The following PCDHGA5 variants were observed in gnomAD, a reference collection of about 807,000 sequenced individuals.
PCDHGA5 encodes the protein protocadherin gamma-A5.
In PCDHGA5, 36 loss-of-function variants were observed where a neutral mutation model predicts 56.7. That is an observed-to-expected ratio of 0.64 (90% CI 0.49 to 0.84). PCDHGA5 has a LOEUF of 0.84. PCDHGA5 is among the 40% of genes least tolerant of loss of function. The pLI, the probability that PCDHGA5 is intolerant of heterozygous loss-of-function variation, is 0.00. For missense variants in PCDHGA5, 1,305 were observed against 1,201.5 expected (o/e 1.09, Z -1.27); for synonymous variants, 563 against 520.2 (o/e 1.08, Z -1.12).
intron 1 of PCDHGA5, chr5:141,420,193 A>G: frequency 6.2e-7 from 1 of 1,613,766 alleles, no homozygotes; most frequent in South Asian, 1.1e-5. Context: ...CAGCCACACA[A>G]GATAACCTCA....
intron 2 of PCDHGA5, among the ~76,000 whole-genome samples, chr5:141,497,016 C>G (rs1384415729): frequency 6.6e-6 from 1 of 152,056 alleles, no homozygotes; most frequent in East Asian, 1.9e-4. Context: ...TGGTGAAACC[C>G]CATCTCGATT....
rs146719320 is a variant in PCDHGA5, at chr5:141,444,557, A to T, written c.2422-50250A>T. ...TGTGTCTAGTGAGCAAAAGGCACTTATTTGACACTTTTGACTCTTCCTTTC... is the reference window on the plus strand; with the variant it reads ...TGTGTCTAGTGAGCAAAAGGCACTTTTTTGACACTTTTGACTCTTCCTTTC... On this transcript the variant is annotated intron_variant, in intron 1 of 3. Transcript: ENST00000518069. Among the ~76,000 whole-genome samples, 1,352 of 152,248 alleles carry T rather than the reference A, an allele frequency of 8.9e-3. 18 individuals carry two copies. The highest frequency in any genetic ancestry group is 0.031 in the African/African-American group (1,277 of 41,558).
chr5:141,423,699 T>C, intron 1 of PCDHGA5: 1 of 1,469,146 alleles, frequency 6.8e-7, no homozygotes, highest in East Asian at 2.5e-5. Context: ...GTTGGTGTCT[T>C]GGCACAAGTC....
intron 1 of PCDHGA5, chr5:141,372,535 G>T (rs1257455687): frequency 1.9e-6 from 3 of 1,613,808 alleles, no homozygotes; most frequent in East Asian, 2.2e-5. Flanking sequence ...ATCTCCCTGC[G>T]CCTGCGATGC....
At chr5:141,409,290 G>A in intron 1 of PCDHGA5, 1 of 1,613,974 alleles carries the variant, frequency 6.2e-7, no homozygotes. Context: ...TCACCTCCAG[G>A]AATGGTTGTT....
intron 1 of PCDHGA5, chr5:141,409,463 A>G (rs751200597): frequency 1.2e-6 from 2 of 1,613,744 alleles, no homozygotes; most frequent in Non-Finnish European, 1.7e-6. Context: ...ATACAATGTC[A>G]CCATCGTAGC....
In PCDHGA5 at chr5:141,432,510, C is replaced by A; in HGVS notation, c.2422-62297C>A. 1 of 1,614,140 alleles carries A rather than the reference C, an allele frequency of 6.2e-7. No homozygotes were observed. The highest frequency in any genetic ancestry group is 8.5e-7 in the Non-Finnish European group (1 of 1,180,042). On this transcript the variant is annotated intron_variant, in intron 1 of 3. Coordinates refer to ENST00000518069, the MANE Select transcript of PCDHGA5 (RefSeq NM_018918.3). The surrounding 1 kb of genome is among the most constrained non-coding windows in gnomAD (Gnocchi z 6.0). ...GAGCTGGCTCCCCGCTCCGCAGAGCCCGGCTACCTGGTGACCAAGGTGGTG... is the reference window on the plus strand; with the variant it reads ...GAGCTGGCTCCCCGCTCCGCAGAGCACGGCTACCTGGTGACCAAGGTGGTG...
intron 1 of PCDHGA5, chr5:141,375,115 A>G (rs987989099): frequency 1.2e-6 from 2 of 1,613,958 alleles, no homozygotes; most frequent in Non-Finnish European, 1.7e-6. Flanking sequence ...ATGATAATGT[A>G]CCAGAAGTGG....
intron 1 of PCDHGA5, chr5:141,400,262 G>A: frequency 6.2e-7 from 1 of 1,614,032 alleles, no homozygotes; most frequent in Non-Finnish European, 8.5e-7. Flanking sequence ...TTGCGCCTGC[G>A]ACGCTCCTCC....
rs199552905 is a variant in PCDHGA5 at position 141,423,400 on chromosome 5, C to A, written c.2421+56649C>A. On this transcript the variant is annotated intron_variant, in intron 1 of 3. Transcript: ENST00000518069. Reference sequence around the variant, plus strand: ...GCTGTGGCGCTGGCATAAGTCACGCCTGCTGCAGGCTTCTGAAGGCGGGTT... The same window carrying A: ...GCTGTGGCGCTGGCATAAGTCACGCATGCTGCAGGCTTCTGAAGGCGGGTT... 62 of 1,614,152 alleles carry A rather than the reference C, an allele frequency of 3.8e-5. No homozygotes were observed. The African/African-American group carries it at 6.9e-4, about 18-fold the overall frequency.
chr5:141,403,384 A>C lies in PCDHGA5; in HGVS notation c.2421+36633A>C, dbSNP rs201959000. 4.4e-4 allele frequency: 703 copies of C among 1,614,030 alleles called. No homozygotes were observed. Among genetic ancestry groups the C allele is most frequent in the Non-Finnish European group, 5.5e-4 (652 of 1,179,890 alleles). ...AAAGTCTGGAAGTAAAAATTAACGA[A>C]ATCGCGGTTCCTGGAGCACGTTATC... On this transcript the variant is annotated intron_variant, in intron 1 of 3. Coordinates refer to ENST00000518069, the MANE Select transcript of PCDHGA5 (RefSeq NM_018918.3).
At chr5:141,453,101 TTTTTGTTTTG>T (rs879618609) in intron 1 of PCDHGA5, among the ~76,000 whole-genome samples, 16 of 152,130 alleles carry the variant, frequency 1.1e-4, no homozygotes, top group Middle Eastern at 3.4e-3. Flanking sequence ...TTCTGTTGCT[TTTTTGTTTTG>T]TTTTGTTTTG....
intron 1 of PCDHGA5, chr5:141,400,006 G>T (rs758879836): frequency 1.9e-5 from 30 of 1,612,536 alleles, no homozygotes; most frequent in Non-Finnish European, 2.5e-5. Flanking sequence ...CACAGCGCGT[G>T]CCTTGGGCGA....
chr5:141,468,230 TAGG>T (rs1451844939), intron 1 of PCDHGA5, among the ~76,000 whole-genome samples: 9 of 141,220 alleles, frequency 6.4e-5, no homozygotes, highest in South Asian at 2.2e-4. Context: ...GAGGATGAGG[TAGG>T]AGAATTGCCT....
At chr5:141,499,343 G>C (rs1184175548) in intron 2 of PCDHGA5, among the ~76,000 whole-genome samples, 1 of 152,146 alleles carries the variant, frequency 6.6e-6, no homozygotes, top group Non-Finnish European at 1.5e-5. Context: ...AGTTTGGGCA[G>C]TCATTCAACA....
At chr5:141,402,993 T>C (rs762604393) in intron 1 of PCDHGA5, 3 of 1,613,752 alleles carry the variant, frequency 1.9e-6, no homozygotes, top group Non-Finnish European at 2.5e-6. Context: ...GGAAGATTAG[T>C]CCTGCTATGC....
chr5:141,450,817 A>G, intron 1 of PCDHGA5, among the ~76,000 whole-genome samples: 1 of 137,534 alleles, frequency 7.3e-6, no homozygotes, highest in East Asian at 2.1e-4. Context: ...TTTATTTAAT[A>G]TTATTATTAT....
In PCDHGA5 at chr5:141,491,681, C is replaced by A; in HGVS notation, c.2422-3126C>A. The A allele has an allele frequency of 6.2e-7, 1 of 1,613,458 alleles. No individual in the cohort carries two copies. Among genetic ancestry groups the A allele is most frequent in the Non-Finnish European group, 8.5e-7 (1 of 1,179,804 alleles). ...GACGCCATCCGGTCCCGCTCTAATA[C>A]GCTGCGGGAGCGGAGCCAGGTGAGG... On this transcript the variant is annotated intron_variant, in intron 1 of 3. Coordinates refer to ENST00000518069, the MANE Select transcript of PCDHGA5 (RefSeq NM_018918.3). This position sits in a 1 kb window ranked among gnomAD's most constrained non-coding sequence, Gnocchi z 6.9.
At chr5:141,394,260 G>C in intron 1 of PCDHGA5, 1 of 1,613,920 alleles carries the variant, frequency 6.2e-7, no homozygotes, top group Non-Finnish European at 8.5e-7. Flanking sequence ...CGACAGCCAG[G>C]AGAATGCCCA....
Sources: gnomAD v4.1 joint callset for allele counts (sites outside exome capture counted in the v4.1 genomes callset) on GRCh38, gnomAD v4.1.1 for gene constraint, Gnocchi (gnomAD v3.1) non-coding constraint, MANE v1.5 for transcripts, NCBI Gene and HGNC (gene_info 2026-07-23, HGNC 2026-07-21) for gene names.